TMEM116: variants seen among roughly 807,000 people sequenced by gnomAD.
The protein encoded by TMEM116 is transmembrane protein 116.
TMEM116 carries 38 observed loss-of-function variants against 44.3 expected under a neutral mutation model. The ratio of observed to expected loss-of-function variants is 0.86; its 90% CI spans 0.66 to 1.12. The LOEUF (loss-of-function observed/expected upper bound fraction) is 1.12. Among genes scored for constraint, TMEM116 ranks in the 50% most tolerant of loss-of-function variants. TMEM116 has a pLI of 0.00. For synonymous variants in TMEM116, 132 were observed against 144.8 expected (o/e 0.91, Z 0.64); for missense variants, 354 against 401.7 (o/e 0.88, Z 1.01).
chr12:112,009,632 G>A (rs1488374215), intron 1 of TMEM116, among the ~76,000 whole-genome samples: 4 of 151,174 alleles, frequency 2.6e-5, no homozygotes, highest in African/African-American at 9.7e-5. Context: ...GAGGTCAGGA[G>A]TTCAAGATGA....
intron 4 of TMEM116, among the ~76,000 whole-genome samples, chr12:111,956,198 T>A (rs2074074918): frequency 6.6e-6 from 1 of 152,220 alleles, no homozygotes; most frequent in Admixed American, 6.5e-5. Flanking sequence ...AAAACTCTTT[T>A]CATTATGTGA....
chr12:111,967,764 T>C (rs1177397531), intron 4 of TMEM116, among the ~76,000 whole-genome samples: 5 of 152,124 alleles, frequency 3.3e-5, no homozygotes, highest in Non-Finnish European at 5.9e-5. Flanking sequence ...CTGGCCAAGA[T>C]GGAGTGACAG....
intron 3 of TMEM116, chr12:112,000,999 C>A: frequency 4.3e-6 from 1 of 234,670 alleles, no homozygotes; most frequent in Non-Finnish European, 8.7e-6. Context: ...CATCCAAGCT[C>A]CCGTGAGGTC....
chr12:111,948,890 A>G (rs1308280897), intron 4 of TMEM116, among the ~76,000 whole-genome samples: 1 of 151,870 alleles, frequency 6.6e-6, no homozygotes, highest in Non-Finnish European at 1.5e-5. Context: ...ACCAGCCTGG[A>G]CAACATAGCA....
chr12:111,974,448 G>T (rs1465947946), intron 4 of TMEM116, among the ~76,000 whole-genome samples: 3 of 151,950 alleles, frequency 2.0e-5, no homozygotes, highest in Admixed American at 2.0e-4. Context: ...TCAGGAGTTC[G>T]AGACCAGCCT....
At chr12:111,976,485 A>G (rs2075680198) in intron 4 of TMEM116, among the ~76,000 whole-genome samples, 1 of 152,154 alleles carries the variant, frequency 6.6e-6, no homozygotes, top group Non-Finnish European at 1.5e-5. Flanking sequence ...TCTTAAACAA[A>G]ACAAAGCAAA....
chr12:111,945,126 A>G (rs1025340556), intron 4 of TMEM116, among the ~76,000 whole-genome samples: 2 of 150,808 alleles, frequency 1.3e-5, no homozygotes, highest in Non-Finnish European at 3.0e-5. Flanking sequence ...CAAACCTTGA[A>G]AAGGTCAGGA....
chr12:111,938,241 T>A, intron 5 of TMEM116, 31 bp from the exon 6 acceptor site: 1 of 1,465,454 alleles, frequency 6.8e-7, no homozygotes, highest in Non-Finnish European at 9.3e-7. Context: ...AGAAATGTCT[T>A]AAGACATTGT....
intron 4 of TMEM116, among the ~76,000 whole-genome samples, chr12:111,986,944 T>C (rs2076261017): frequency 6.6e-6 from 1 of 152,186 alleles, no homozygotes; most frequent in East Asian, 1.9e-4. Context: ...ACTATAAAAC[T>C]CTTAAAAGAA....
At chr12:111,943,178 C>A (rs1414442325) in intron 5 of TMEM116, 87 bp downstream of exon 5, 10 of 1,049,282 alleles carry the variant, frequency 9.5e-6, no homozygotes, top group Non-Finnish European at 8.9e-6. Flanking sequence ...CCCCCCTCAG[C>A]CTCCCTAACT....
chr12:111,937,863 C>A (rs1364824927), intron 6 of TMEM116, among the ~76,000 whole-genome samples: 1 of 152,144 alleles, frequency 6.6e-6, no homozygotes, highest in Admixed American at 6.5e-5. Context: ...TATTACAACT[C>A]TTTATGATAC....
chr12:111,957,836 G>T (rs1322307116), intron 4 of TMEM116, among the ~76,000 whole-genome samples: 1 of 152,224 alleles, frequency 6.6e-6, no homozygotes, highest in Non-Finnish European at 1.5e-5. Flanking sequence ...AATAGAAAAG[G>T]GGGAAATGTG....
Position 111,989,507 on chromosome 12 carries a change from C to G in TMEM116, c.210+2251G>C, listed in dbSNP as rs560692603. Among the ~76,000 whole-genome samples, 3 of 152,316 alleles carry G rather than the reference C, an allele frequency of 2.0e-5. No individual in the cohort carries two copies. In the East Asian group the frequency reaches 5.8e-4, roughly 29 times the overall value. On this transcript the variant is annotated intron_variant, in intron 4 of 10. Transcript: ENST00000552374. ...AAATTGAGATTTGAACCATTGTCCACAGATGATGAGACCAAATTTACATTC... is the reference window on the plus strand; with the variant it reads ...AAATTGAGATTTGAACCATTGTCCAGAGATGATGAGACCAAATTTACATTC...
intron 5 of TMEM116, among the ~76,000 whole-genome samples, chr12:111,942,405 TG>T (rs2072910068): frequency 6.6e-6 from 1 of 152,168 alleles, no homozygotes; most frequent in African/African-American, 2.4e-5. Flanking sequence ...CCTGAGTAGC[TG>T]GGACTACAGG....
chr12:111,983,515 T>A (rs2076063420), intron 4 of TMEM116, among the ~76,000 whole-genome samples: 1 of 151,830 alleles, frequency 6.6e-6, no homozygotes, highest in Non-Finnish European at 1.5e-5. Flanking sequence ...GAGGATTGCT[T>A]GAGCCCAGGA....
intron 10 of TMEM116, 30 bp downstream of exon 10, chr12:111,932,556 A>G: frequency 6.3e-7 from 1 of 1,586,292 alleles, no homozygotes; most frequent in Non-Finnish European, 8.7e-7. Flanking sequence ...CGGGTGTAAG[A>G]ACAGAGATAC....
At chr12:111,993,275 C>T in intron 3 of TMEM116, 2 of 455,358 alleles carry the variant, frequency 4.4e-6, no homozygotes, top group South Asian at 1.8e-5. Flanking sequence ...TGCAGGTGGA[C>T]CCCCAAAAGT....
intron 4 of TMEM116, among the ~76,000 whole-genome samples, chr12:111,985,327 T>A (rs893712484): frequency 6.6e-6 from 1 of 151,854 alleles, no homozygotes; most frequent in Non-Finnish European, 1.5e-5. Context: ...AATAATAGAA[T>A]TCAGCCAAGT....
chr12:111,943,314 G>A lies in TMEM116; in HGVS notation c.266C>T (p.Thr89Ile). Residue 89 changes from threonine (T) to isoleucine (I), a missense_variant, in exon 5 of 11, where the codon ACA (threonine) becomes ATA (isoleucine). Thr to Ile is a moderately conservative substitution (Grantham distance 89). Transcript: ENST00000552374. Reference sequence around the variant, plus strand: ...CTGGGTGTGTTTCATCCTCAGCTCTGTGTACAAATACCAGATGTAATTGAC... The same window carrying A: ...CTGGGTGTGTTTCATCCTCAGCTCTATGTACAAATACCAGATGTAATTGAC... Reference protein sequence around the residue: ...YTVNYIWYLYTELRMKHTQSG... With the variant: ...YTVNYIWYLYIELRMKHTQSG... 2 of 1,614,062 alleles carry A rather than the reference G, an allele frequency of 1.2e-6. No individual in the cohort carries two copies. The highest frequency in any genetic ancestry group is 1.7e-6 in the Non-Finnish European group (2 of 1,179,984).
Sources: allele counts gnomAD v4.1 joint callset (sites outside exome capture counted in the v4.1 genomes callset), GRCh38; gene constraint gnomAD v4.1.1; transcripts MANE v1.5; gene names NCBI Gene and HGNC (gene_info 2026-07-23, HGNC 2026-07-21).